The following MEMO1 variants were observed in gnomAD, a reference collection of about 807,000 sequenced individuals.
MEMO1 encodes mediator of cell motility 1, also known as protein MEMO1.
MEMO1 carries 6 observed loss-of-function variants against 45.2 expected under a neutral mutation model. That is an observed-to-expected ratio of 0.13 (90% CI 0.07 to 0.26). MEMO1 has a LOEUF of 0.26. Ranked by LOEUF, MEMO1 falls within the 10% of genes least tolerant of loss-of-function variation. The probability of loss-of-function intolerance (pLI) is 1.00; values close to 1 mark genes in which losing one functional copy is unlikely to be tolerated. For missense variants in MEMO1, 184 were observed against 370.5 expected, an observed-to-expected ratio of 0.50 and a Z score of 4.13; for synonymous variants, 78 against 124.3, an observed-to-expected ratio of 0.63 and a Z score of 2.48.
intron 7 of MEMO1, among the ~76,000 whole-genome samples, chr2:31,890,898 AC>A (rs1676875217): frequency 6.6e-6 from 1 of 152,110 alleles, no homozygotes; most frequent in Non-Finnish European, 1.5e-5. Flanking sequence ...GAGTAAAATC[AC>A]TCCAGTTGAG....
In MEMO1 at chr2:31,878,048, G is replaced by A. The variant is rs931885220; in HGVS notation, c.657+5338C>T. Among the ~76,000 whole-genome samples, 4 of 152,142 alleles carry A rather than the reference G, an allele frequency of 2.6e-5. No homozygotes were observed. In the South Asian group the frequency reaches 8.3e-4, roughly 32 times the overall value. On this transcript the variant is annotated intron_variant, in intron 8 of 9. Coordinates refer to ENST00000404530, the MANE Select transcript of MEMO1 (RefSeq NM_001301833.4). ...TAGAAGAAAAAGTGGAACAGGGTAC[G>A]GTGGACTGGGAATGCTGCAAGGGTA...
chr2:31,876,444 A>G (rs1310603184), intron 8 of MEMO1, among the ~76,000 whole-genome samples: 3 of 152,198 alleles, frequency 2.0e-5, no homozygotes, highest in Non-Finnish European at 4.4e-5. Flanking sequence ...ACTTGAAACT[A>G]ATTAATATAT....
intron 6 of MEMO1, among the ~76,000 whole-genome samples, chr2:31,901,645 G>A (rs1410128328): frequency 2.0e-5 from 3 of 151,968 alleles, no homozygotes; most frequent in African/African-American, 7.3e-5. Context: ...GGTGGCTCAC[G>A]CCTGTAATCT....
intron 2 of MEMO1, among the ~76,000 whole-genome samples, chr2:31,961,223 C>T (rs962885852): frequency 2.0e-5 from 3 of 151,708 alleles, no homozygotes; most frequent in South Asian, 2.1e-4. Flanking sequence ...CTGGGTGTGG[C>T]GGCAAGTGCC....
chr2:31,951,029 T>C lies in MEMO1; in HGVS notation c.62-7646A>G, dbSNP rs577484129. On this transcript the variant is annotated intron_variant, in intron 2 of 9. Coordinates refer to ENST00000404530, the MANE Select transcript of MEMO1 (RefSeq NM_001301833.4). ...GACTGTCTTCCAAGCTGCTGACATA[T>C]ATCGCCCAAGTCTCAATGCAGTCCC... Among the ~76,000 whole-genome samples, 163 of 152,346 alleles carry C rather than the reference T, an allele frequency of 1.1e-3. 1 individual carries two copies. Among genetic ancestry groups the C allele is most frequent in the African/African-American group, 3.6e-3 (150 of 41,588 alleles).
chr2:31,930,952 C>A (rs1279360016), intron 4 of MEMO1, among the ~76,000 whole-genome samples: 1 of 151,688 alleles, frequency 6.6e-6, no homozygotes, highest in African/African-American at 2.4e-5. Context: ...AGCCACCAGG[C>A]CCAGACTAAA....
chr2:31,891,161 C>T (rs960596674), intron 7 of MEMO1, among the ~76,000 whole-genome samples: 20 of 152,150 alleles, frequency 1.3e-4, no homozygotes, highest in African/African-American at 4.6e-4. Flanking sequence ...TATGGTCTTA[C>T]ATTTTAGGTT....
chr2:31,983,267 ATTT>A (rs993358501), intron 2 of MEMO1, among the ~76,000 whole-genome samples: 1 of 152,066 alleles, frequency 6.6e-6, no homozygotes, highest in Non-Finnish European at 1.5e-5. Flanking sequence ...CCTAAAAAAA[ATTT>A]TTTTAAATCT....
At chr2:31,912,126 G>A (rs981508716) in intron 6 of MEMO1, among the ~76,000 whole-genome samples, 3 of 152,120 alleles carry the variant, frequency 2.0e-5, no homozygotes, top group African/African-American at 7.2e-5. Context: ...CTTGAGGTCA[G>A]GAGTTCAAGA....
chr2:31,891,553 A>AG (rs1019234178), intron 7 of MEMO1, among the ~76,000 whole-genome samples: 3 of 151,662 alleles, frequency 2.0e-5, no homozygotes, highest in Non-Finnish European at 2.9e-5. Flanking sequence ...TAAGCACCAA[A>AG]GGGGAAAAAA....
chr2:31,922,794 A>C (rs1370678361), intron 4 of MEMO1, among the ~76,000 whole-genome samples: 1 of 151,814 alleles, frequency 6.6e-6, no homozygotes, highest in African/African-American at 2.4e-5. Flanking sequence ...GCTGCAAGTG[A>C]TATGATCTCA....
intron 2 of MEMO1, among the ~76,000 whole-genome samples, chr2:31,993,123 T>C (rs1244675336): frequency 1.3e-5 from 2 of 151,764 alleles, no homozygotes; most frequent in African/African-American, 4.8e-5. Flanking sequence ...CAGCGAGCTA[T>C]GACTGTGCCA....
intron 6 of MEMO1, among the ~76,000 whole-genome samples, chr2:31,914,960 T>TAA (rs1681204737): frequency 8.1e-6 from 1 of 122,752 alleles, no homozygotes; most frequent in African/African-American, 3.2e-5. Context: ...CTGTCTCTTT[T>TAA]TAAAAAAAAA....
At chr2:31,969,186 G>A (rs1337179024) in intron 2 of MEMO1, among the ~76,000 whole-genome samples, 1 of 151,572 alleles carries the variant, frequency 6.6e-6, no homozygotes, top group Non-Finnish European at 1.5e-5. Context: ...CTTTCTGGCA[G>A]GATTCCTAAT....
rs142943235 is a variant in MEMO1, at chr2:31,932,423, T to C, written c.144-288A>G. Among the ~76,000 whole-genome samples, 14 of 152,118 alleles carry C rather than the reference T, an allele frequency of 9.2e-5. No homozygotes were observed. In the East Asian group the frequency reaches 1.7e-3, roughly 19 times the overall value. On this transcript the variant is annotated intron_variant, in intron 3 of 9. Coordinates refer to ENST00000404530, the MANE Select transcript of MEMO1 (RefSeq NM_001301833.4). ...TTGAAGTTGCTATGTAACACGATTA[T>C]TGAGGTTGGTTTTTGTTGTTGTTTT... is the stretch of plus-strand genomic sequence containing the variant.
intron 3 of MEMO1, 136 bp from the exon 4 acceptor site, chr2:31,932,271 T>C: frequency 1.6e-6 from 1 of 640,440 alleles, no homozygotes; most frequent in Non-Finnish European, 2.7e-6. Flanking sequence ...AACAATGTAG[T>C]TAATGATGTG....
chr2:31,902,500 C>A (rs1264033552), intron 6 of MEMO1, among the ~76,000 whole-genome samples: 4 of 152,028 alleles, frequency 2.6e-5, no homozygotes, highest in African/African-American at 9.7e-5. Context: ...GAAAATCCAT[C>A]CCTGCCACTC....
intron 5 of MEMO1, 104 bp from the exon 6 acceptor site, chr2:31,918,141 C>G: frequency 1.8e-6 from 1 of 558,782 alleles, no homozygotes; most frequent in Non-Finnish European, 2.9e-6. Context: ...TGGCAAGAGA[C>G]AGAAACACCA....
At chr2:31,904,299 T>G (rs754445097) in intron 6 of MEMO1, among the ~76,000 whole-genome samples, 1 of 152,224 alleles carries the variant, frequency 6.6e-6, no homozygotes, top group Non-Finnish European at 1.5e-5. Flanking sequence ...TATACCAGCT[T>G]GCTGAGATTG....
Sources: gnomAD v4.1 joint callset for allele counts (sites outside exome capture counted in the v4.1 genomes callset) on GRCh38, gnomAD v4.1.1 for gene constraint, MANE v1.5 for transcripts, NCBI Gene and HGNC (gene_info 2026-07-23, HGNC 2026-07-21) for gene names.